The following ABI3 variants were observed in gnomAD, a reference collection of about 807,000 sequenced individuals.
The protein encoded by ABI3 is ABI family member 3, also known as ABI gene family member 3.
In ABI3, 24 loss-of-function variants were observed where a neutral mutation model predicts 37.0. The observed-to-expected ratio is 0.65, with a 90% CI of 0.47 to 0.91. The LOEUF (loss-of-function observed/expected upper bound fraction) is 0.91. ABI3 is among the 40% of genes least tolerant of loss of function. ABI3 has a pLI of 0.00. For synonymous variants in ABI3, 220 were observed against 211.8 expected (o/e 1.04, Z -0.34); for missense variants, 481 against 485.1 (o/e 0.99, Z 0.08).
Position 49,210,925 on chromosome 17 carries a change from ATCCTGACAGTGCTTGTCCTGGGC to A in ABI3, c.117+85_117+107del. ...TGCCCCAAGTGGGGCCCTGGGACCC[ATCCTGACAGTGCTTGTCCTGGGC>A]CTTGGCTGAGAAATCCTCCCATTCC... On this transcript the variant is annotated intron_variant, in intron 1 of 7. Coordinates refer to ENST00000225941, the MANE Select transcript of ABI3 (RefSeq NM_016428.3). This position sits in a 1 kb window ranked among gnomAD's most constrained non-coding sequence, Gnocchi z 4.2. 8.9e-7 allele frequency: 1 copy of A among 1,120,448 alleles called. No individual in the cohort carries two copies. Among genetic ancestry groups the A allele is most frequent in the Non-Finnish European group, 1.3e-6 (1 of 782,226 alleles). 69.4% of individuals were successfully genotyped at this position (1,120,448 alleles called of 1,614,324 possible). A position where few individuals can be genotyped will look rare whatever the true frequency, so the allele number is the denominator to read the frequency against.
At chr17:49,222,480 C>T in intron 7 of ABI3, 72 bp from the exon 8 acceptor site, 2 of 1,561,076 alleles carry the variant, frequency 1.3e-6, no homozygotes, top group Non-Finnish European at 1.7e-6. Flanking sequence ...CGTGCATCCC[C>T]ATGGTGGTGG....
At position 49,216,572 on chromosome 17, in the gene ABI3, C is replaced by T. The variant is rs938435017; in HGVS notation, c.159C>T (p.Phe53=). 3.7e-6 allele frequency: 6 copies of T among 1,609,530 alleles called. No homozygotes were observed. The African/African-American group carries it at 8.0e-5, about 22-fold the overall frequency. Residue 53 remains phenylalanine (F), a synonymous_variant, in exon 2 of 8, where the codon TTC becomes TTT. Transcript: ENST00000225941. ...AGGCGCTGGAGGAGACCATGGCCTT[C>T]ACTACCCAGGCACTGGCCAGCGTGG... ...KRKALEETMA[F]TTQALASVAY...
intron 1 of ABI3, 127 bp from the exon 2 acceptor site, chr17:49,216,404 A>T (rs2043218189): frequency 2.4e-6 from 2 of 839,248 alleles, no homozygotes; most frequent in African/African-American, 3.6e-5. Flanking sequence ...CACCTCAAAC[A>T]TCTAAGGGTT....
At chr17:49,217,711 C>G in intron 2 of ABI3, 28 bp from the exon 3 acceptor site, 1 of 1,587,566 alleles carries the variant, frequency 6.3e-7, no homozygotes, top group Non-Finnish European at 8.6e-7. Flanking sequence ...GACCACCCCT[C>G]TCTGTCACCT....
chr17:49,216,259 C>T (rs1340756707), intron 1 of ABI3, among the ~76,000 whole-genome samples: 2 of 152,082 alleles, frequency 1.3e-5, no homozygotes, highest in African/African-American at 2.4e-5. Context: ...ACTCAGTCCT[C>T]AGCTTAACTA....
rs775453112 is a variant in ABI3 at position 49,216,676 on chromosome 17, C to A, written c.263C>A (p.Ala88Asp). ...LQGAALRQVE[A>D]RVSTLGQMVN... ...GGGGCCGCCCTGCGGCAGGTGGAAGCCCGTGTAAGCACGCTGGGCCAGGTA... is the reference window on the plus strand; with the variant it reads ...GGGGCCGCCCTGCGGCAGGTGGAAGACCGTGTAAGCACGCTGGGCCAGGTA... Residue 88 changes from alanine to aspartate, a missense_variant, in exon 2 of 8, where the codon GCC becomes GAC. By Grantham distance (126) the Ala-to-Asp change is moderately radical. Transcript: ENST00000225941. 6.3e-7 allele frequency: 1 copy of A among 1,590,226 alleles called. No homozygotes were observed. The highest frequency in any genetic ancestry group is 8.6e-7 in the Non-Finnish European group (1 of 1,168,528).
intron 1 of ABI3, among the ~76,000 whole-genome samples, chr17:49,212,533 C>T (rs557660949): frequency 2.0e-5 from 3 of 152,332 alleles, no homozygotes; most frequent in Admixed American, 6.5e-5. Context: ...AGATTAAAGA[C>T]AGTCAGTAAT....
At chr17:49,220,883 A>AATAATG (rs2043278893) in intron 6 of ABI3, among the ~76,000 whole-genome samples, 1 of 115,848 alleles carries the variant, frequency 8.6e-6, no homozygotes, top group African/African-American at 3.0e-5. Flanking sequence ...TAATAATAAT[A>AATAATG]ATAATAATAA....
chr17:49,216,468 C>G, intron 1 of ABI3, 63 bp from the exon 2 acceptor site: 1 of 1,383,516 alleles, frequency 7.2e-7, no homozygotes, highest in Non-Finnish European at 9.4e-7. Context: ...CCCATCCCAC[C>G]CCAGCCAGCC....
chr17:49,217,279 C>T (rs565415048), intron 2 of ABI3, among the ~76,000 whole-genome samples: 5 of 152,282 alleles, frequency 3.3e-5, no homozygotes, highest in Admixed American at 3.3e-4. Context: ...CCGCCGCAGA[C>T]CAGAGTTCCC....
chr17:49,220,019 C>T, intron 5 of ABI3, 66 bp downstream of exon 5: 8 of 1,528,058 alleles, frequency 5.2e-6, no homozygotes, highest in Non-Finnish European at 6.2e-6. Context: ...GGGCCACCTG[C>T]CAGTGGTCAT....
At chr17:49,220,075 G>T in intron 5 of ABI3, 94 bp from the exon 6 acceptor site, 1 of 1,581,846 alleles carries the variant, frequency 6.3e-7, no homozygotes, top group Non-Finnish European at 8.6e-7. Flanking sequence ...TGGGTCACAC[G>T]TGCAGGGCTG....
At position 49,219,784 on chromosome 17, in the gene ABI3, C is replaced by T; in HGVS notation, c.549-74C>T. 6.8e-7 allele frequency: 1 copy of T among 1,480,872 alleles called. No individual in the cohort carries two copies. Among genetic ancestry groups the T allele is most frequent in the Non-Finnish European group, 9.1e-7 (1 of 1,095,002 alleles). 91.7% of individuals were successfully genotyped at this position (1,480,872 alleles called of 1,614,324 possible). A position where few individuals can be genotyped will look rare whatever the true frequency, so the allele number is the denominator to read the frequency against. ...CCTCCCCCTCGGCCACCTGCCCTTC[C>T]TGCTCGCACCCGACCCCTGCTGGCC... On this transcript the variant is annotated intron_variant, in intron 4 of 7. Transcript: ENST00000225941. The surrounding 1 kb of genome is among the most constrained non-coding windows in gnomAD (Gnocchi z 4.3).
In ABI3 at chr17:49,220,184, C is replaced by T. The variant is rs2043267495; in HGVS notation, c.660C>T (p.Val220=). 2 of 1,612,026 alleles carry T rather than the reference C, an allele frequency of 1.2e-6. No homozygotes were observed. The highest frequency in any genetic ancestry group is 1.7e-6 in the Non-Finnish European group (2 of 1,179,884). ...TGGTGTTCAGCAGCGCCGAAGGTGT[C>T]GGTGGGGCCCCCACGCCCAAGGGGC... is the stretch of plus-strand genomic sequence containing the variant. ...SLASAGSAEG[V]GGAPTPKGQA... The change falls in exon 6 of 8, where the codon GTC becomes GTT. Residue 220 remains valine, a synonymous_variant. Transcript: ENST00000225941.
At chr17:49,217,625 T>G in intron 2 of ABI3, 114 bp from the exon 3 acceptor site, 1 of 985,402 alleles carries the variant, frequency 1.0e-6, no homozygotes, top group Non-Finnish European at 1.4e-6. Context: ...GGCCCTCTTT[T>G]TCTAGACCTG....
chr17:49,221,766 A>C lies in ABI3; in HGVS notation c.803-325A>C, dbSNP rs117427061. 3.4e-3 allele frequency among the ~76,000 whole-genome samples: 514 copies of C among 152,060 alleles called. 19 individuals are homozygous for C. In the East Asian group the frequency reaches 0.082, roughly 24 times the overall value. ...AGTCTCACTCTGTCATCCAGGCTGG[A>C]TGGAGTGTGTTGGCAAGATCTCAGC... On this transcript the variant is annotated intron_variant, in intron 6 of 7. Coordinates refer to ENST00000225941, the MANE Select transcript of ABI3 (RefSeq NM_016428.3).
chr17:49,213,685 G>T (rs1017870111), intron 1 of ABI3, among the ~76,000 whole-genome samples: 1 of 152,248 alleles, frequency 6.6e-6, no homozygotes, highest in South Asian at 2.1e-4. Flanking sequence ...CAAAGCCAGG[G>T]GTCGGTAGGT....
chr17:49,217,931 C>G lies in ABI3; in HGVS notation c.462+16C>G, dbSNP rs772503768. The stretch of plus-strand genomic sequence containing the variant: ...TGGGATCAAGGTAGAGAGAGGGGCC[C>G]TCCTCTTTCCCTCCAACCCACCCTC... On this transcript the variant is annotated intron_variant, in intron 3 of 7. Coordinates refer to ENST00000225941, the MANE Select transcript of ABI3 (RefSeq NM_016428.3). The G allele has an allele frequency of 1.1e-5, 17 of 1,499,408 alleles. No homozygotes were observed. The South Asian group carries it at 2.2e-4, about 20-fold the overall frequency. The allele number at this position is 1,499,408 out of a possible 1,614,324, so 92.9% of individuals were successfully genotyped here. A position where few individuals can be genotyped will look rare whatever the true frequency, so the allele number is the denominator to read the frequency against.
intron 6 of ABI3, 114 bp from the exon 7 acceptor site, chr17:49,221,977 C>T: frequency 7.2e-7 from 1 of 1,389,076 alleles, no homozygotes. Flanking sequence ...CCTTGGCCTC[C>T]CAACGTGCCT....
Sources: gnomAD v4.1 joint callset for allele counts (sites outside exome capture counted in the v4.1 genomes callset) on GRCh38, gnomAD v4.1.1 for gene constraint, Gnocchi (gnomAD v3.1) non-coding constraint, MANE v1.5 for transcripts, NCBI Gene and HGNC (gene_info 2026-07-23, HGNC 2026-07-21) for gene names.